The following KIF21A variants were observed in gnomAD, a reference collection of about 807,000 sequenced individuals.
The protein encoded by KIF21A is kinesin family member 21A.
KIF21A carries 114 observed loss-of-function variants against 202.9 expected under a neutral mutation model. The ratio of observed to expected loss-of-function variants is 0.56; its 90% confidence interval spans 0.48 to 0.66. The LOEUF is 0.66. KIF21A is among the 30% of genes least tolerant of loss of function. The pLI is 0.00. For synonymous variants in KIF21A, 667 were observed against 670.8 expected, an observed-to-expected ratio of 0.99 and a Z score of 0.09; for missense variants, 1,677 against 1,994.9, an observed-to-expected ratio of 0.84 and a Z score of 3.04.
chr12:39,432,064 G>A (rs569191407), intron 1 of KIF21A, among the ~76,000 whole-genome samples: 98 of 152,268 alleles, frequency 6.4e-4, no homozygotes, highest in African/African-American at 2.1e-3. Flanking sequence ...AGACCAACAC[G>A]CTACTCAAAG....
chr12:39,358,094 C>A, intron 8 of KIF21A, 84 bp downstream of exon 8: 2 of 1,148,088 alleles, frequency 1.7e-6, no homozygotes, highest in Non-Finnish European at 2.6e-6. Context: ...ATTCCAGAAA[C>A]ACGTATGTGT....
chr12:39,318,212 A>G lies in KIF21A; in HGVS notation c.3780-11T>C, dbSNP rs1324753425. ...GTTCCAGAATCTGAGCTACAAGAAA[A>G]AAAGAACATTAAGTAGGTGGCTTTA... On this transcript the variant is annotated splice_polypyrimidine_tract_variant and intron_variant, in intron 28 of 37. Coordinates refer to ENST00000361418, the MANE Select transcript of KIF21A (RefSeq NM_001173464.2). 1 of 1,612,460 alleles carries G rather than the reference A, an allele frequency of 6.2e-7. No homozygotes were observed. The highest frequency in any genetic ancestry group is 8.5e-7 in the Non-Finnish European group (1 of 1,178,724).
chr12:39,323,992 C>T (rs1945574046), intron 26 of KIF21A, among the ~76,000 whole-genome samples: 1 of 151,962 alleles, frequency 6.6e-6, no homozygotes, highest in Non-Finnish European at 1.5e-5. Context: ...CGCCTGTTGT[C>T]CCAGCTACTC....
Position 39,332,421 on chromosome 12 carries a change from C to A in KIF21A, c.2857-13G>T. ...GTTCCTCCCGTTGCTATTGAGAAAG[C>A]AGGTTGGATTTTAAGAAATTATGTT... On this transcript the variant is annotated splice_polypyrimidine_tract_variant and intron_variant, in intron 20 of 37. Transcript: ENST00000361418. The A allele has an allele frequency of 6.2e-7, 1 of 1,612,922 alleles. No individual in the cohort carries two copies. Among genetic ancestry groups the A allele is most frequent in the South Asian group, 1.1e-5 (1 of 91,050 alleles).
rs374696798 is a variant in KIF21A, at chr12:39,351,817, A to C, written c.1633T>G (p.Leu545Val). ...TTTTCTTTTCTTTTCAACTTCTCTA[A>C]ATCTTTTTTTGCTAGGTCTATAATT... ...IEIIDLAKKD[L>V]EKLKRKEKRK... Residue 545 changes from leucine to valine, a missense_variant, in exon 11 of 38, where the codon TTA (leucine) becomes GTA (valine). Physicochemically the swap from Leu to Val is conservative, Grantham distance 32. Coordinates refer to ENST00000361418, the MANE Select transcript of KIF21A (RefSeq NM_001173464.2). 14 of 1,600,616 alleles carry C rather than the reference A, an allele frequency of 8.7e-6. No individual in the cohort carries two copies. Among genetic ancestry groups the C allele is most frequent in the Non-Finnish European group, 1.2e-5 (14 of 1,168,854 alleles).
At chr12:39,336,471 C>T (rs1031530383) in intron 17 of KIF21A, among the ~76,000 whole-genome samples, 2 of 152,110 alleles carry the variant, frequency 1.3e-5, no homozygotes, top group African/African-American at 4.8e-5. Context: ...TATACAGTTT[C>T]AAAATATAAA....
In KIF21A at chr12:39,426,922, C is replaced by T. The variant is rs537688790; in HGVS notation, c.44+16005G>A. Among the ~76,000 whole-genome samples, 11 of 151,290 alleles carry T rather than the reference C, an allele frequency of 7.3e-5. 1 individual carries two copies. The South Asian group carries it at 2.1e-3, about 29-fold the overall frequency. On this transcript the variant is annotated intron_variant, in intron 1 of 37. Transcript: ENST00000361418. ...AAGAAAAGAAAGAAAATTAAGAAAT[C>T]GTTTTACTGTCTGAGAAAGTAGCTA...
At position 39,416,791 on chromosome 12, in the gene KIF21A, A is replaced by ATATATATATGTACATATATATGTGTG. The variant is rs1566270761; in HGVS notation, c.44+26135_44+26136insCACACATATATATGTACATATATATA. Among the ~76,000 whole-genome samples the ATATATATATGTACATATATATGTGTG allele has an allele frequency of 1.4e-4, 17 of 124,990 alleles. 1 individual carries two copies. The highest frequency in any genetic ancestry group is 2.6e-4 in the South Asian group (1 of 3,804). 82.0% of individuals were successfully genotyped at this position (124,990 alleles called of 152,430 possible). A position where few individuals can be genotyped will look rare whatever the true frequency, so the allele number is the denominator to read the frequency against. Reference sequence around the variant, plus strand: ...TATATATATGTACATATATATGTGTATATATATGTACATATATATGTGTGT... The same window carrying ATATATATATGTACATATATATGTGTG: ...TATATATATGTACATATATATGTGTATATATATATGTACATATATATGTGTGTATATATGTACATATATATGTGTGT... On this transcript the variant is annotated intron_variant, in intron 1 of 37. Transcript: ENST00000361418.
At position 39,422,130 on chromosome 12, in the gene KIF21A, TG is replaced by T. The variant is rs1451704976; in HGVS notation, c.44+20796del. 5.9e-3 allele frequency among the ~76,000 whole-genome samples: 888 copies of T among 151,232 alleles called. 8 individuals carry two copies. The highest frequency in any genetic ancestry group is 0.021 in the African/African-American group (844 of 41,160). On this transcript the variant is annotated intron_variant, in intron 1 of 37. Coordinates refer to ENST00000361418, the MANE Select transcript of KIF21A (RefSeq NM_001173464.2). ...CGTACCACCACATCCAGCTAATTTT[TG>T]TTTTTTTTTTTAATAGAGAGGGTTT...
At chr12:39,357,509 C>T in intron 8 of KIF21A, 72 bp from the exon 9 acceptor site, 1 of 1,260,468 alleles carries the variant, frequency 7.9e-7, no homozygotes, top group Non-Finnish European at 1.2e-6. Context: ...TAAGAATACT[C>T]TATAACTATA....
intron 1 of KIF21A, among the ~76,000 whole-genome samples, chr12:39,436,116 C>A (rs951044646): frequency 1.3e-5 from 2 of 151,910 alleles, no homozygotes; most frequent in Admixed American, 6.6e-5. Flanking sequence ...TGACAGTGAG[C>A]GACCTTATCT....
chr12:39,388,077 C>T (rs1313714844), intron 1 of KIF21A, among the ~76,000 whole-genome samples: 1 of 152,134 alleles, frequency 6.6e-6, no homozygotes, highest in African/African-American at 2.4e-5. Context: ...TTGTCTCCCA[C>T]AAACTTCTGG....
At chr12:39,412,203 T>TTTCTC (rs1953150757) in intron 1 of KIF21A, among the ~76,000 whole-genome samples, 1 of 152,138 alleles carries the variant, frequency 6.6e-6, no homozygotes, top group Non-Finnish European at 1.5e-5. Flanking sequence ...AAAAAATGTA[T>TTTCTC]ATTCTCAATA....
rs75223821 is a variant in KIF21A at position 39,319,974 on chromosome 12, C to T, written c.3711G>A (p.Glu1237=). Residue 1237 remains glutamate, a synonymous_variant, in exon 28 of 38, where the codon GAG becomes GAA. Transcript: ENST00000361418. The part of the protein sequence containing the change: ...QSSLSEKKIP[E]PSPVTRRKAY... ...CCTTTCTCCTTGTTACAGGAGAAGG[C>T]TCTGGAATTTTTTTTTCTGATAGAG... 2.5e-6 allele frequency: 4 copies of T among 1,608,440 alleles called. No homozygotes were observed. The highest frequency in any genetic ancestry group is 1.1e-5 in the South Asian group (1 of 90,478).
chr12:39,442,878 G>C lies in KIF21A; in HGVS notation c.44+49C>G. 2.0e-6 allele frequency: 3 copies of C among 1,520,710 alleles called. No individual in the cohort carries two copies. The highest frequency in any genetic ancestry group is 2.4e-5 in the South Asian group (2 of 82,918). The allele number at this position is 1,520,710 out of a possible 1,614,324, so 94.2% of individuals were successfully genotyped here. On this transcript the variant is annotated intron_variant, in intron 1 of 37. Transcript: ENST00000361418. This position sits in a 1 kb window ranked among gnomAD's most constrained non-coding sequence, Gnocchi z 5.0. ...TCCGCGCCACAGCCAGGTCCTTGCC[G>C]CGCCCTCAACCCGCCGCCCGCCGCC...
chr12:39,311,361 G>A lies in KIF21A; in HGVS notation c.4096+56C>T, dbSNP rs1330744348. 5 of 1,499,512 alleles carry A rather than the reference G, an allele frequency of 3.3e-6. No individual in the cohort carries two copies. In the East Asian group the frequency reaches 1.2e-4, roughly 35 times the overall value. The allele number at this position is 1,499,512 out of a possible 1,614,324, so 92.9% of individuals were successfully genotyped here. ...CAGTTTTCTAGAATATGTTAAAAAT[G>A]TAATTTTTTTTAAAAAAAAAGCTAT... On this transcript the variant is annotated intron_variant, in intron 32 of 37. Transcript: ENST00000361418.
At chr12:39,396,349 G>C (rs981683329) in intron 1 of KIF21A, among the ~76,000 whole-genome samples, 1 of 152,114 alleles carries the variant, frequency 6.6e-6, no homozygotes, top group African/African-American at 2.4e-5. Flanking sequence ...TCTGGATTCA[G>C]TTACACCATG....
chr12:39,320,409 GAGA>G (rs1945082017), intron 27 of KIF21A, among the ~76,000 whole-genome samples: 1 of 152,058 alleles, frequency 6.6e-6, no homozygotes, highest in South Asian at 2.1e-4. Context: ...GAGAAACAAT[GAGA>G]TTTAATGAAT....
At chr12:39,371,986 C>A (rs1445383000) in intron 1 of KIF21A, among the ~76,000 whole-genome samples, 1 of 146,266 alleles carries the variant, frequency 6.8e-6, no homozygotes, top group South Asian at 2.2e-4. Flanking sequence ...GGTCAAGGAA[C>A]AGATTTTAAA....
Sources: allele counts gnomAD v4.1 joint callset (sites outside exome capture counted in the v4.1 genomes callset), GRCh38; gene constraint gnomAD v4.1.1; non-coding constraint Gnocchi (gnomAD v3.1); transcripts MANE v1.5; gene names NCBI Gene and HGNC (gene_info 2026-07-23, HGNC 2026-07-21).